The following TRIM2 variants were observed in gnomAD, a reference collection of about 807,000 sequenced individuals.
TRIM2 encodes the protein tripartite motif-containing protein 2.
A neutral mutation model predicts 75.2 loss-of-function variants in TRIM2; 20 were observed. The observed-to-expected ratio is 0.27, with a 90% CI of 0.19 to 0.39. TRIM2 has a LOEUF of 0.39. Ranked by LOEUF, TRIM2 falls within the 10% of genes least tolerant of loss-of-function variation. The pLI, the probability that TRIM2 is intolerant of heterozygous loss-of-function variation, is 1.00. For synonymous variants in TRIM2, 373 were observed against 388.3 expected (o/e 0.96, Z 0.46); for missense variants, 660 against 990.8 (o/e 0.67, Z 4.48).
chr4:153,289,191 A>G (rs1440319585), intron 3 of TRIM2, among the ~76,000 whole-genome samples: 3 of 152,136 alleles, frequency 2.0e-5, no homozygotes, highest in Non-Finnish European at 4.4e-5. Context: ...GCAACTCTGG[A>G]AATCAGAGTC....
intron 1 of TRIM2, among the ~76,000 whole-genome samples, chr4:153,194,892 G>A (rs182862097): frequency 6.6e-6 from 1 of 152,212 alleles, no homozygotes; most frequent in East Asian, 1.9e-4. Flanking sequence ...TGTCTCCCTT[G>A]CCTGTGTGAG....
intron 1 of TRIM2, among the ~76,000 whole-genome samples, chr4:153,207,424 T>C (rs1046318705): frequency 9.2e-5 from 14 of 152,226 alleles, no homozygotes; most frequent in Non-Finnish European, 2.1e-4. Flanking sequence ...TTATATGTTA[T>C]TGGGCAAGTT....
chr4:153,302,979 C>T (rs753074143), intron 6 of TRIM2, among the ~76,000 whole-genome samples: 4 of 152,192 alleles, frequency 2.6e-5, no homozygotes, highest in Non-Finnish European at 4.4e-5. Context: ...CCTCTCACCA[C>T]CGTCATGCTC....
intron 1 of TRIM2, among the ~76,000 whole-genome samples, chr4:153,162,224 A>G (rs1428264449): frequency 6.6e-6 from 1 of 152,232 alleles, no homozygotes; most frequent in Non-Finnish European, 1.5e-5. Flanking sequence ...TGGGAAATAT[A>G]TACATATAGA....
intron 1 of TRIM2, among the ~76,000 whole-genome samples, chr4:153,227,589 G>A (rs1742486866): frequency 6.6e-6 from 1 of 152,166 alleles, no homozygotes; most frequent in African/African-American, 2.4e-5. Context: ...TAGGTCTTTG[G>A]TTAGGGATAA....
At chr4:153,277,295 C>G (rs1191839291) in intron 3 of TRIM2, among the ~76,000 whole-genome samples, 1 of 152,190 alleles carries the variant, frequency 6.6e-6, no homozygotes, top group Non-Finnish European at 1.5e-5. Flanking sequence ...GCAAATTTCT[C>G]CTGCACACAG....
chr4:153,269,931 A>T (rs1483412369), intron 1 of TRIM2, among the ~76,000 whole-genome samples: 4 of 151,648 alleles, frequency 2.6e-5, no homozygotes, highest in Non-Finnish European at 5.9e-5. Flanking sequence ...TTTTTATTTT[A>T]TTTTTTATTT....
chr4:153,336,568 G>GT lies in TRIM2; in HGVS notation c.*1605dup. The GT allele has an allele frequency of 1.0e-6, 1 of 985,804 alleles. No individual in the cohort carries two copies. Among genetic ancestry groups the GT allele is most frequent in the Admixed American group, 6.1e-5 (1 of 16,270 alleles). The allele number at this position is 985,804 out of a possible 1,614,324, so 61.1% of individuals were successfully genotyped here. On this transcript the variant is annotated 3_prime_UTR_variant, in exon 12 of 12. Transcript: ENST00000338700. The stretch of plus-strand genomic sequence containing the variant: ...TCAGTTCTACCAAATAGGATGTCAT[G>GT]TTTGACATTTTTGATAGTGACTTTG...
intron 1 of TRIM2, among the ~76,000 whole-genome samples, chr4:153,198,323 T>C (rs1201054163): frequency 6.6e-6 from 1 of 152,128 alleles, no homozygotes; most frequent in Non-Finnish European, 1.5e-5. Context: ...AATTGAATCA[T>C]GGAGGTTGGT....
intron 8 of TRIM2, among the ~76,000 whole-genome samples, chr4:153,316,640 C>T (rs1230468771): frequency 1.3e-5 from 2 of 152,006 alleles, no homozygotes; most frequent in African/African-American, 4.8e-5. Context: ...TGAGGGATCC[C>T]ATTGTTTGAT....
chr4:153,339,200 AGTCTAC>A lies in TRIM2; in HGVS notation c.*4235_*4240del, dbSNP rs1772821117. ...CGTACCACAGTATTTTGGATGCTTT[AGTCTAC>A]AATGAAACTTTCAATTAATTCTGTC... On this transcript the variant is annotated 3_prime_UTR_variant, in exon 12 of 12. Transcript: ENST00000338700. The A allele has an allele frequency of 1.0e-6, 1 of 985,746 alleles. No homozygotes were observed. Among genetic ancestry groups the A allele is most frequent in the African/African-American group, 1.7e-5 (1 of 57,256 alleles). The allele number at this position is 985,746 out of a possible 1,614,324, so 61.1% of individuals were successfully genotyped here.
intron 1 of TRIM2, among the ~76,000 whole-genome samples, chr4:153,223,604 G>T (rs923003140): frequency 6.6e-6 from 1 of 152,144 alleles, no homozygotes; most frequent in South Asian, 2.1e-4. Context: ...GTTGAAAGCT[G>T]CATGCCGCTG....
chr4:153,292,100 G>A (rs527754596), intron 3 of TRIM2, among the ~76,000 whole-genome samples: 4 of 152,232 alleles, frequency 2.6e-5, no homozygotes, highest in African/African-American at 7.2e-5. Flanking sequence ...CAGTCTTCAA[G>A]GTCAATACTA....
intron 2 of TRIM2, among the ~76,000 whole-genome samples, chr4:153,271,991 T>C (rs980380967): frequency 6.6e-6 from 1 of 152,186 alleles, no homozygotes; most frequent in Non-Finnish European, 1.5e-5. Flanking sequence ...CTGCCCCTGC[T>C]ATCTTCTTTG....
At chr4:153,197,637 C>T (rs900593396) in intron 1 of TRIM2, among the ~76,000 whole-genome samples, 2 of 151,988 alleles carry the variant, frequency 1.3e-5, no homozygotes, top group African/African-American at 2.4e-5. Flanking sequence ...TATGGGAGGC[C>T]GAGGCGGGTG....
At chr4:153,254,931 G>A (rs1394465065) in intron 1 of TRIM2, among the ~76,000 whole-genome samples, 1 of 152,034 alleles carries the variant, frequency 6.6e-6, no homozygotes, top group Non-Finnish European at 1.5e-5. Flanking sequence ...TTTACCCCAG[G>A]CTTCAGCTAT....
At chr4:153,221,160 A>G (rs1739863012) in intron 1 of TRIM2, among the ~76,000 whole-genome samples, 1 of 152,250 alleles carries the variant, frequency 6.6e-6, no homozygotes, top group African/African-American at 2.4e-5. Context: ...CTTTGGCAAT[A>G]AAAAGTCATG....
chr4:153,232,313 A>C (rs530736492), intron 1 of TRIM2, among the ~76,000 whole-genome samples: 2 of 152,136 alleles, frequency 1.3e-5, no homozygotes, highest in Non-Finnish European at 2.9e-5. Flanking sequence ...AGCCTGGCCA[A>C]CATGGTGAAA....
intron 6 of TRIM2, among the ~76,000 whole-genome samples, chr4:153,314,931 G>A (rs1029880627): frequency 6.6e-6 from 1 of 152,122 alleles, no homozygotes; most frequent in Non-Finnish European, 1.5e-5. Flanking sequence ...CATATCCTTA[G>A]GGCAAGGCCC....
Sources: allele counts gnomAD v4.1 joint callset (sites outside exome capture counted in the v4.1 genomes callset), GRCh38; gene constraint gnomAD v4.1.1; transcripts MANE v1.5; gene names NCBI Gene and HGNC (gene_info 2026-07-23, HGNC 2026-07-21).